ITGA1: variants seen among roughly 807,000 people sequenced by gnomAD.
ITGA1 encodes the protein integrin subunit alpha 1, also known as integrin alpha-1.
In ITGA1, 85 loss-of-function variants were observed where a neutral mutation model predicts 145.9. That is an observed-to-expected ratio of 0.58 (90% confidence interval 0.49 to 0.70). The LOEUF is 0.70. Among genes scored for constraint, ITGA1 ranks in the 30% least tolerant of loss-of-function variants. The pLI, the probability that ITGA1 is intolerant of heterozygous loss-of-function variation, is 0.00. For missense variants in ITGA1, 1,351 were observed against 1,418.7 expected (o/e 0.95, Z 0.77); for synonymous variants, 520 against 495.3 (o/e 1.05, Z -0.66).
chr5:52,856,669 A>T (rs185453296), intron 2 of ITGA1, among the ~76,000 whole-genome samples: 5 of 130,920 alleles, frequency 3.8e-5, no homozygotes, highest in African/African-American at 6.3e-5. Context: ...TTTCCAAAGA[A>T]GAAAAAGAGA....
chr5:52,849,249 CTT>C, intron 1 of ITGA1, 114 bp from the exon 2 acceptor site: 2 of 859,520 alleles, frequency 2.3e-6, no homozygotes, highest in Admixed American at 2.9e-5. Flanking sequence ...CTTTGAGCTT[CTT>C]TTTTTTTAAT....
intron 7 of ITGA1, among the ~76,000 whole-genome samples, chr5:52,887,000 ATC>A (rs947072769): frequency 6.3e-4 from 96 of 152,134 alleles, no homozygotes; most frequent in African/African-American, 2.3e-3. Flanking sequence ...GATAGTCTCG[ATC>A]TCTTGACCTC....
At chr5:52,856,560 C>T (rs10078081) in intron 2 of ITGA1, among the ~76,000 whole-genome samples, 85,374 of 151,866 alleles carry the variant, frequency 0.56, 25,785 homozygotes, top group African/African-American at 0.79. Flanking sequence ...GCCTGACAGA[C>T]CTACGTATGC....
intron 23 of ITGA1, among the ~76,000 whole-genome samples, chr5:52,935,383 A>T (rs1219672259): frequency 6.6e-6 from 1 of 152,124 alleles, no homozygotes; most frequent in African/African-American, 2.4e-5. Context: ...CAATCTAAAC[A>T]CTTAACACAA....
chr5:52,837,483 C>T (rs1749178279), intron 1 of ITGA1, among the ~76,000 whole-genome samples: 1 of 152,076 alleles, frequency 6.6e-6, no homozygotes, highest in Non-Finnish European at 1.5e-5. Flanking sequence ...AAAGTTAAAG[C>T]CATGTTTTTA....
chr5:52,797,300 G>C (rs117677746), intron 1 of ITGA1, among the ~76,000 whole-genome samples: 1 of 152,058 alleles, frequency 6.6e-6, no homozygotes, highest in East Asian at 1.9e-4. Flanking sequence ...GCCCAAAGTG[G>C]TTTGCCTCAT....
intron 1 of ITGA1, among the ~76,000 whole-genome samples, chr5:52,841,174 A>G (rs1029045929): frequency 3.3e-5 from 5 of 152,242 alleles, no homozygotes; most frequent in African/African-American, 1.2e-4. Context: ...TTCTGATGAA[A>G]GAATTTTAGT....
chr5:52,801,351 C>A, intron 1 of ITGA1: 1 of 1,420,522 alleles, frequency 7.0e-7, no homozygotes, highest in Non-Finnish European at 9.7e-7. Flanking sequence ...CCTTTGTGAG[C>A]TGATTAATGG....
chr5:52,914,597 C>CAAA (rs34589797), intron 14 of ITGA1, among the ~76,000 whole-genome samples: 1 of 141,902 alleles, frequency 7.0e-6, no homozygotes, highest in Non-Finnish European at 1.5e-5. Flanking sequence ...GATAGCGTCT[C>CAAA]AAAAAAAAAA....
chr5:52,825,456 A>G (rs1464989345), intron 1 of ITGA1, among the ~76,000 whole-genome samples: 1 of 152,038 alleles, frequency 6.6e-6, no homozygotes, highest in Non-Finnish European at 1.5e-5. Flanking sequence ...TTTCCTTATT[A>G]TTATATCTGT....
At chr5:52,869,629 A>G (rs1044800864) in intron 6 of ITGA1, among the ~76,000 whole-genome samples, 3 of 152,226 alleles carry the variant, frequency 2.0e-5, no homozygotes, top group African/African-American at 7.2e-5. Flanking sequence ...GTCAGTGGCC[A>G]GCCCAGTGGT....
intron 21 of ITGA1, chr5:52,931,111 T>A (rs1750888226): frequency 6.6e-6 from 1 of 152,192 alleles, no homozygotes; most frequent in African/African-American, 2.4e-5. Context: ...AAAAGTACTC[T>A]TATGCCCATT....
At chr5:52,829,873 C>G (rs1053128603) in intron 1 of ITGA1, among the ~76,000 whole-genome samples, 3 of 151,892 alleles carry the variant, frequency 2.0e-5, no homozygotes, top group African/African-American at 7.3e-5. Flanking sequence ...CATTGTGATC[C>G]TTACCTTTGG....
At chr5:52,839,073 G>A (rs1242739394) in intron 1 of ITGA1, among the ~76,000 whole-genome samples, 2 of 152,052 alleles carry the variant, frequency 1.3e-5, no homozygotes, top group African/African-American at 4.8e-5. Flanking sequence ...TCCTAGGCTG[G>A]GTGACTGAGT....
At chr5:52,912,958 G>C (rs997077343) in intron 14 of ITGA1, among the ~76,000 whole-genome samples, 2 of 151,946 alleles carry the variant, frequency 1.3e-5, no homozygotes, top group Non-Finnish European at 2.9e-5. Context: ...GTGTTAGCCA[G>C]GATGGTTTTG....
At chr5:52,800,738 A>T in intron 1 of ITGA1, 1 of 1,614,222 alleles carries the variant, frequency 6.2e-7, no homozygotes, top group Non-Finnish European at 8.5e-7. Context: ...CTGGCCAAGA[A>T]GCAGTGGGAT....
chr5:52,932,528 C>A, intron 22 of ITGA1: 1 of 159,624 alleles, frequency 6.3e-6, no homozygotes, highest in Non-Finnish European at 1.4e-5. Flanking sequence ...GCTGATCAGT[C>A]TTCTCAATCT....
In ITGA1 at chr5:52,957,121, T is replaced by C. The variant is rs1751317302; in HGVS notation, c.*4670T>C. On this transcript the variant is annotated 3_prime_UTR_variant, in exon 29 of 29. Transcript: ENST00000282588. The stretch of plus-strand genomic sequence containing the variant: ...CCTCAGGTTAAAATTTAATCTTAAA[T>C]TTAGAAATTCAAAGTAACAGCCTTT... 1 of 152,160 alleles carries C rather than the reference T, an allele frequency of 6.6e-6. No homozygotes were observed. Among genetic ancestry groups the C allele is most frequent in the African/African-American group, 2.4e-5 (1 of 41,434 alleles). The allele number at this position is 152,160 out of a possible 1,614,324, so 9.4% of individuals were successfully genotyped here.
intron 28 of ITGA1, among the ~76,000 whole-genome samples, chr5:52,950,453 C>T (rs944100165): frequency 3.3e-5 from 5 of 152,120 alleles, no homozygotes; most frequent in Non-Finnish European, 5.9e-5. Context: ...ACTTTTCTGA[C>T]AGTTATCACC....
Sources: gnomAD v4.1 joint callset for allele counts (sites outside exome capture counted in the v4.1 genomes callset) on GRCh38, gnomAD v4.1.1 for gene constraint, MANE v1.5 for transcripts, NCBI Gene and HGNC (gene_info 2026-07-23, HGNC 2026-07-21) for gene names.